The following MAP2 variants were observed in gnomAD, a reference collection of about 807,000 sequenced individuals.
MAP2 encodes the protein microtubule associated protein 2, also known as microtubule-associated protein 2.
A neutral mutation model predicts 137.6 loss-of-function variants in MAP2; 14 were observed. The observed-to-expected ratio is 0.10, with a 90% CI of 0.07 to 0.16. The LOEUF (loss-of-function observed/expected upper bound fraction) is 0.16, where lower values mean the gene tolerates loss of function less well. Ranked by LOEUF, MAP2 falls within the 10% of genes least tolerant of loss-of-function variation. The pLI, the probability that MAP2 is intolerant of heterozygous loss-of-function variation, is 1.00. For synonymous variants in MAP2, 786 were observed against 782.3 expected, an observed-to-expected ratio of 1.00 and a Z score of -0.08; for missense variants, 2,088 against 2,191.5, an observed-to-expected ratio of 0.95 and a Z score of 0.94.
intron 1 of MAP2, among the ~76,000 whole-genome samples, chr2:209,473,544 T>C (rs537052805): frequency 1.1e-4 from 16 of 152,220 alleles, no homozygotes; most frequent in Non-Finnish European, 1.6e-4. Context: ...TACAATTTTA[T>C]ATTATGATTT....
At chr2:209,515,234 T>C (rs1198271829) in intron 2 of MAP2, among the ~76,000 whole-genome samples, 2 of 152,098 alleles carry the variant, frequency 1.3e-5, no homozygotes, top group Non-Finnish European at 2.9e-5. Context: ...CTTCTTTCTC[T>C]CTCTCATTTA....
At chr2:209,507,533 A>C (rs1411068057) in intron 1 of MAP2, 59 bp from the exon 2 acceptor site, 3 of 152,148 alleles carry the variant, frequency 2.0e-5, no homozygotes, top group Non-Finnish European at 4.4e-5. Context: ...TTAGTGAAAG[A>C]AAAAGCCAGA....
intron 5 of MAP2, among the ~76,000 whole-genome samples, chr2:209,657,519 T>G (rs1450315333): frequency 6.6e-6 from 1 of 152,218 alleles, no homozygotes; most frequent in African/African-American, 2.4e-5. Context: ...TGCATTTCCG[T>G]GATGATTAGT....
At chr2:209,676,272 A>G (rs777940394) in intron 5 of MAP2, among the ~76,000 whole-genome samples, 2 of 151,932 alleles carry the variant, frequency 1.3e-5, no homozygotes, top group Non-Finnish European at 2.9e-5. Context: ...TTAGCAACTA[A>G]CACAGGAACA....
At chr2:209,427,340 A>G (rs1478599526) in intron 1 of MAP2, among the ~76,000 whole-genome samples, 1 of 149,586 alleles carries the variant, frequency 6.7e-6, no homozygotes, top group East Asian at 1.9e-4. Flanking sequence ...GTTTTGAAAC[A>G]ATCTCAAATT....
At chr2:209,429,112 C>A (rs1693492895) in intron 1 of MAP2, among the ~76,000 whole-genome samples, 1 of 151,952 alleles carries the variant, frequency 6.6e-6, no homozygotes, top group East Asian at 1.9e-4. Flanking sequence ...CGCCACCGCT[C>A]CCGGCTAATT....
At chr2:209,503,889 C>T (rs886583693) in intron 1 of MAP2, among the ~76,000 whole-genome samples, 4 of 151,980 alleles carry the variant, frequency 2.6e-5, no homozygotes, top group African/African-American at 9.7e-5. Flanking sequence ...ATTTTGAATA[C>T]AGTTTGTTTT....
intron 2 of MAP2, among the ~76,000 whole-genome samples, chr2:209,519,223 A>G (rs1329380613): frequency 6.6e-6 from 1 of 152,146 alleles, no homozygotes; most frequent in East Asian, 1.9e-4. Context: ...TCACTTTTCT[A>G]TATTGCCAAG....
At chr2:209,726,027 A>T (rs1017894852) in intron 14 of MAP2, among the ~76,000 whole-genome samples, 2 of 152,180 alleles carry the variant, frequency 1.3e-5, no homozygotes, top group Non-Finnish European at 2.9e-5. Context: ...GGTACATAAG[A>T]CGCATTTATC....
chr2:209,445,277 G>T (rs1015752140), intron 1 of MAP2, among the ~76,000 whole-genome samples: 9 of 151,572 alleles, frequency 5.9e-5, no homozygotes, highest in Non-Finnish European at 1.2e-4. Flanking sequence ...AGAGGTTTAC[G>T]TTCACCTTTA....
At chr2:209,705,812 G>A (rs2063226398) in intron 12 of MAP2, 85 bp downstream of exon 12, 1 of 1,215,466 alleles carries the variant, frequency 8.2e-7, no homozygotes, top group Non-Finnish European at 1.1e-6. Flanking sequence ...ATTTTAATTT[G>A]TAAAAATAAA....
intron 1 of MAP2, among the ~76,000 whole-genome samples, chr2:209,483,111 A>T (rs2057939876): frequency 6.6e-6 from 1 of 152,190 alleles, no homozygotes; most frequent in South Asian, 2.1e-4. Flanking sequence ...ATGACTGTAA[A>T]CATGATCTGA....
rs2059351163 is a variant in MAP2 at position 209,693,026 on chromosome 2, C to G, written c.856C>G (p.Pro286Ala). The G allele has an allele frequency of 6.2e-7, 1 of 1,612,268 alleles. No individual in the cohort carries two copies. Among genetic ancestry groups the G allele is most frequent in the Non-Finnish European group, 8.5e-7 (1 of 1,179,576 alleles). Residue 286 changes from proline (P) to alanine (A), a missense_variant, in exon 8 of 16, where the codon CCT becomes GCT. Pro to Ala is a conservative substitution (Grantham distance 27). Coordinates refer to ENST00000682079, the MANE Select transcript of MAP2 (RefSeq NM_001375505.1). ...GTGGGGTTTAGTTGCCCCCATATCT[C>G]CTGGCCCTCTGACTCCCATGAGGGA... Reference protein sequence around the residue: ...DEWGLVAPISPGPLTPMREKD... With the variant: ...DEWGLVAPISAGPLTPMREKD...
chr2:209,624,144 G>A (rs952715231), intron 3 of MAP2, among the ~76,000 whole-genome samples: 3 of 152,090 alleles, frequency 2.0e-5, no homozygotes, highest in African/African-American at 7.2e-5. Flanking sequence ...TTCCTAGTGG[G>A]TCTTAAAGAA....
At chr2:209,661,860 T>G (rs1269696326) in intron 5 of MAP2, among the ~76,000 whole-genome samples, 1 of 152,194 alleles carries the variant, frequency 6.6e-6, no homozygotes, top group Admixed American at 6.5e-5. Context: ...CTTGATACAA[T>G]ATGAGGTTGT....
chr2:209,622,743 T>C (rs2091500525), intron 3 of MAP2, among the ~76,000 whole-genome samples: 1 of 152,210 alleles, frequency 6.6e-6, no homozygotes, highest in African/African-American at 2.4e-5. Flanking sequence ...CCTTGTGGAA[T>C]AGGCCATAAG....
At chr2:209,579,084 C>T (rs1411696007) in intron 2 of MAP2, among the ~76,000 whole-genome samples, 1 of 151,866 alleles carries the variant, frequency 6.6e-6, no homozygotes, top group Non-Finnish European at 1.5e-5. Context: ...AAGCAATATG[C>T]GATAGTTAAA....
intron 2 of MAP2, among the ~76,000 whole-genome samples, chr2:209,528,066 C>G (rs1276912129): frequency 1.3e-5 from 2 of 151,966 alleles, no homozygotes; most frequent in Non-Finnish European, 2.9e-5. Flanking sequence ...GATTATATGT[C>G]CCTGTAGAAT....
intron 4 of MAP2, among the ~76,000 whole-genome samples, chr2:209,632,852 G>A (rs967902641): frequency 6.6e-6 from 1 of 152,092 alleles, no homozygotes; most frequent in Non-Finnish European, 1.5e-5. Flanking sequence ...AGCCCAGGGC[G>A]TCTACCAGAA....
Sources: gnomAD v4.1 joint callset for allele counts (sites outside exome capture counted in the v4.1 genomes callset) on GRCh38, gnomAD v4.1.1 for gene constraint, MANE v1.5 for transcripts, NCBI Gene and HGNC (gene_info 2026-07-23, HGNC 2026-07-21) for gene names.